The following DNAAF2 variants were observed in gnomAD, a reference collection of about 807,000 sequenced individuals.
The protein encoded by DNAAF2 is dynein axonemal assembly factor 2.
Under a neutral mutation model 48.8 loss-of-function variants are expected in DNAAF2, and 58 were observed. That is an observed-to-expected ratio of 1.19 (90% CI 0.96 to 1.48). The LOEUF is 1.48. Among genes scored for constraint, DNAAF2 ranks in the 40% most tolerant of loss-of-function variants. The pLI, the probability that DNAAF2 is intolerant of heterozygous loss-of-function variation, is 0.00. For missense variants in DNAAF2, 1,241 were observed against 1,116.1 expected (o/e 1.11, Z -1.59); for synonymous variants, 567 against 481.2 (o/e 1.18, Z -2.33).
chr14:49,631,045 G>A (rs1054208023), intron 1 of DNAAF2, among the ~76,000 whole-genome samples: 1 of 152,098 alleles, frequency 6.6e-6, no homozygotes, highest in African/African-American at 2.4e-5. Flanking sequence ...CACCACGCCT[G>A]GCTACGTATT....
In DNAAF2 at chr14:49,634,594, TG is replaced by T; in HGVS notation, c.555del (p.Lys186ArgfsTer3). 6.2e-7 allele frequency: 1 copy of T among 1,606,310 alleles called. No individual in the cohort carries two copies. The highest frequency in any genetic ancestry group is 8.5e-7 in the Non-Finnish European group (1 of 1,179,722). ...QFGVKLDRRN[A>X]KTLKAKYKGT... ...CCCTTATACTTGGCCTTCAGGGTCTTGGCATTCCTGCGGTCCAGCTTCACGC... is the reference window on the plus strand; with the variant it reads ...CCCTTATACTTGGCCTTCAGGGTCTTGCATTCCTGCGGTCCAGCTTCACGC... On this transcript the variant is annotated frameshift_variant, in exon 1 of 3. Coordinates refer to ENST00000298292, the MANE Select transcript of DNAAF2 (RefSeq NM_018139.3). LOFTEE classifies it high-confidence loss of function.
In DNAAF2 at chr14:49,633,639, T is replaced by G; in HGVS notation, c.1511A>C (p.Gln504Pro). Residue 504 changes from glutamine to proline, a missense_variant, in exon 1 of 3, where the codon CAG becomes CCG. Coordinates refer to ENST00000298292, the MANE Select transcript of DNAAF2 (RefSeq NM_018139.3). ...ACCACCCATGGCGCAGGCTGAGCGC[T>G]GGCCGCCCGTGCCCTCCGACTCCTC... Reference protein sequence around the residue: ...TREESEGTGGQRSACAMGGPG... With the variant: ...TREESEGTGGPRSACAMGGPG... 1.9e-6 allele frequency: 3 copies of G among 1,612,970 alleles called. No homozygotes were observed. Among genetic ancestry groups the G allele is most frequent in the Non-Finnish European group, 2.5e-6 (3 of 1,179,334 alleles).
At chr14:49,630,719 CACACACACACACAAACTCTCT>C (rs1294028019) in intron 1 of DNAAF2, among the ~76,000 whole-genome samples, 6 of 133,598 alleles carry the variant, frequency 4.5e-5, no homozygotes, top group Non-Finnish European at 8.2e-5. Context: ...TCTACACACA[CACACACACACACAAACTCTCT>C]ACACACACAC....
In DNAAF2 at chr14:49,633,590, A is replaced by G. The variant is rs1883226013; in HGVS notation, c.1560T>C (p.Pro520=). The part of the protein sequence containing the change: ...MGGPGTKSGE[P]LCPPLLCNQD... ...GATTACACAGTAACGGAGGACACAA[A>G]GGCTCCCCGCTCTTGGTCCCGGGAC... is the stretch of plus-strand genomic sequence containing the variant. Residue 520 remains proline, a synonymous_variant, in exon 1 of 3, where the codon CCT becomes CCC. Coordinates refer to ENST00000298292, the MANE Select transcript of DNAAF2 (RefSeq NM_018139.3). 6 of 1,613,768 alleles carry G rather than the reference A, an allele frequency of 3.7e-6. No individual in the cohort carries two copies. The African/African-American group carries it at 5.3e-5, about 14-fold the overall frequency.
chr14:49,632,776 C>T (rs1594606916), intron 1 of DNAAF2, among the ~76,000 whole-genome samples: 2 of 151,936 alleles, frequency 1.3e-5, no homozygotes, highest in African/African-American at 4.8e-5. Flanking sequence ...ATATATAATC[C>T]GTGCAGCTAG....
chr14:49,625,605 A>G lies in DNAAF2; in HGVS notation c.2451T>C (p.Ile817=). Residue 817 remains isoleucine (I), a synonymous_variant, in exon 3 of 3, where the codon ATT becomes ATC. Coordinates refer to ENST00000298292, the MANE Select transcript of DNAAF2 (RefSeq NM_018139.3). The stretch of plus-strand genomic sequence containing the variant: ...ATGCACAATTGGTCACATGATCTTT[A>G]ATGACCTGCACACTACCATCCTGCA... ...TNMQDGSVQV[I]KDHVTNCAFS... The G allele has an allele frequency of 6.2e-7, 1 of 1,611,806 alleles. No homozygotes were observed. The highest frequency in any genetic ancestry group is 8.5e-7 in the Non-Finnish European group (1 of 1,179,216).
intron 1 of DNAAF2, among the ~76,000 whole-genome samples, chr14:49,630,696 C>CACACAA (rs1555327681): frequency 2.1e-5 from 3 of 144,812 alleles, no homozygotes; most frequent in Admixed American, 1.4e-4. Flanking sequence ...CACACACACA[C>CACACAA]ACACATAAAC....
In DNAAF2 at chr14:49,634,676, C is replaced by T. The variant is rs1883288377; in HGVS notation, c.474G>A (p.Glu158=). The change falls in exon 1 of 3, where the codon GAG becomes GAA. Residue 158 remains glutamate (E), a synonymous_variant. Coordinates refer to ENST00000298292, the MANE Select transcript of DNAAF2 (RefSeq NM_018139.3). ...PDALALARRH[E]GFRQMLDATA... Reference sequence around the variant, plus strand: ...TGGCGTCCAGCATCTGGCGGAAGCCCTCGTGCCGCCGGGCCAGCGCAAGCG... The same window carrying T: ...TGGCGTCCAGCATCTGGCGGAAGCCTTCGTGCCGCCGGGCCAGCGCAAGCG... 1 of 1,606,558 alleles carries T rather than the reference C, an allele frequency of 6.2e-7. No homozygotes were observed. Among genetic ancestry groups the T allele is most frequent in the Non-Finnish European group, 8.5e-7 (1 of 1,179,706 alleles).
chr14:49,626,244 T>G (rs1263618611), intron 2 of DNAAF2, among the ~76,000 whole-genome samples, 196 bp from the exon 3 acceptor site: 4 of 152,096 alleles, frequency 2.6e-5, no homozygotes, highest in Non-Finnish European at 5.9e-5. Flanking sequence ...TCCCAGCACT[T>G]TGGGATGCCA....
At chr14:49,629,073 C>T (rs2139575281) in intron 1 of DNAAF2, among the ~76,000 whole-genome samples, 1 of 152,202 alleles carries the variant, frequency 6.6e-6, no homozygotes, top group East Asian at 1.9e-4. Flanking sequence ...AGTGATCCTC[C>T]CGCCTCAGCC....
chr14:49,633,599 G>T lies in DNAAF2; in HGVS notation c.1551C>A (p.Ser517Arg), dbSNP rs1384978578. The part of the protein sequence containing the change: ...ACAMGGPGTK[S>R]GEPLCPPLLC... ...GTAACGGAGGACACAAAGGCTCCCCGCTCTTGGTCCCGGGACCACCCATGG... is the reference window on the plus strand; with the variant it reads ...GTAACGGAGGACACAAAGGCTCCCCTCTCTTGGTCCCGGGACCACCCATGG... Residue 517 changes from serine to arginine, a missense_variant, in exon 1 of 3, where the codon AGC (serine) becomes AGA (arginine). Transcript: ENST00000298292. The T allele has an allele frequency of 1.9e-6, 3 of 1,613,660 alleles. No individual in the cohort carries two copies. Among genetic ancestry groups the T allele is most frequent in the Non-Finnish European group, 2.5e-6 (3 of 1,179,890 alleles).
At position 49,634,444 on chromosome 14, in the gene DNAAF2, GC is replaced by G; in HGVS notation, c.705del (p.Arg237GlyfsTer48). 1 of 1,559,590 alleles carries G rather than the reference GC, an allele frequency of 6.4e-7. No individual in the cohort carries two copies. On this transcript the variant is annotated frameshift_variant, in exon 1 of 3. Transcript: ENST00000298292. LOFTEE classifies it high-confidence loss of function. ...GCTTCCGGAGGGGAGGGCGCCCGGGGCCCGGGGGCTGCCGGGTACTGGTAAG... is the reference window on the plus strand; with the variant it reads ...GCTTCCGGAGGGGAGGGCGCCCGGGGCCGGGGGCTGCCGGGTACTGGTAAG... The part of the protein sequence containing the change: ...PYPYQYPAAP[G>X]PRAPSPPEAA...
chr14:49,634,087 G>A lies in DNAAF2; in HGVS notation c.1063C>T (p.Arg355Trp). 6 of 1,540,238 alleles carry A rather than the reference G, an allele frequency of 3.9e-6. No homozygotes were observed. The highest frequency in any genetic ancestry group is 5.2e-6 in the Non-Finnish European group (6 of 1,144,100). The change falls in exon 1 of 3, where the codon CGG becomes TGG. Residue 355 changes from arginine (R) to tryptophan (W), a missense_variant. Physicochemically the swap from Arg to Trp is moderately radical, Grantham distance 101. Transcript: ENST00000298292. The part of the protein sequence containing the change: ...TLPVVLPAAR[R>W]EPAVAVAAAA... ...GCGGCGACGGCGACAGCGGGCTCCC[G>A]GCGCGCGGCCGGCAGCACCACTGGC...
At position 49,628,076 on chromosome 14, in the gene DNAAF2, G is replaced by C. The variant is rs1467078322; in HGVS notation, c.1943C>G (p.Ser648Cys). ...AACTTCAATTAATGGTGGGGTCAAG[G>C]ACATAGACTGTTTGAATGGAGAGCT... ...VLSSPFKQSMSLTPPLIEVLQ... is the reference protein window; with the variant it reads ...VLSSPFKQSMCLTPPLIEVLQ... Residue 648 changes from serine (S) to cysteine (C), a missense_variant, in exon 2 of 3, where the codon TCC becomes TGC. Ser to Cys is a moderately radical substitution (Grantham distance 112). Transcript: ENST00000298292. The C allele has an allele frequency of 6.3e-7, 1 of 1,584,812 alleles. No homozygotes were observed. The highest frequency in any genetic ancestry group is 8.6e-7 in the Non-Finnish European group (1 of 1,163,686).
Position 49,634,018 on chromosome 14 carries a change from G to C in DNAAF2, c.1132C>G (p.Gln378Glu), listed in dbSNP as rs1407836719. 2.0e-6 allele frequency: 3 copies of C among 1,523,356 alleles called. No homozygotes were observed. The highest frequency in any genetic ancestry group is 1.2e-5 in the South Asian group (1 of 81,866). 94.4% of individuals were successfully genotyped at this position (1,523,356 alleles called of 1,614,324 possible). ...ESADRSGTDGQACASAREGEA... is the reference protein window; with the variant it reads ...ESADRSGTDGEACASAREGEA... ...CCCTCGCGAGCGGAAGCGCAGGCCT[G>C]GCCGTCAGTTCCGGACCGGTCCGCG... The change falls in exon 1 of 3, where the codon CAG (glutamine) becomes GAG (glutamate). Residue 378 changes from glutamine to glutamate, a missense_variant. Transcript: ENST00000298292.
At chr14:49,628,297 G>A (rs1883063273) in intron 1 of DNAAF2, 142 bp from the exon 2 acceptor site, 2 of 738,090 alleles carry the variant, frequency 2.7e-6, no homozygotes, top group African/African-American at 1.8e-5. Context: ...CCTATGAGCT[G>A]TCTTAGAAAA....
chr14:49,633,244 G>C (rs1026011436), intron 1 of DNAAF2, 43 bp downstream of exon 1: 2 of 1,598,808 alleles, frequency 1.3e-6, no homozygotes, highest in African/African-American at 2.7e-5. Context: ...TTTAAAGTGA[G>C]ATGGGATATT....
Position 49,633,490 on chromosome 14 carries a change from G to A in DNAAF2, c.1660C>T (p.Pro554Ser). 1.9e-6 allele frequency: 3 copies of A among 1,614,054 alleles called. No individual in the cohort carries two copies. The highest frequency in any genetic ancestry group is 8.5e-7 in the Non-Finnish European group (1 of 1,179,892). Residue 554 changes from proline to serine, a missense_variant, in exon 1 of 3, where the codon CCC becomes TCC. Physicochemically the swap from Pro to Ser is moderately conservative, Grantham distance 74. Transcript: ENST00000298292. ...GAGAAGCGTAATTTGTACCAGAGGG[G>A]ATTCAAATCTCCTTGAAGACTTTGC... Reference protein sequence around the residue: ...QPQSLQGDLNPLWYKLRFSAQ... With the variant: ...QPQSLQGDLNSLWYKLRFSAQ...
At position 49,635,083 on chromosome 14, in the gene DNAAF2, G is replaced by T. The variant is rs1883310008; in HGVS notation, c.67C>A (p.Leu23Ile). 3 of 1,584,040 alleles carry T rather than the reference G, an allele frequency of 1.9e-6. No individual in the cohort carries two copies. The highest frequency in any genetic ancestry group is 2.6e-6 in the Non-Finnish European group (3 of 1,166,030). The change falls in exon 1 of 3, where the codon CTC becomes ATC. Residue 23 changes from leucine (L) to isoleucine (I), a missense_variant. Physicochemically the swap from Leu to Ile is conservative, Grantham distance 5 (BLOSUM62 2). Transcript: ENST00000298292. ...TCCGGGTCCTGGAAGGCGGAGGTGA[G>T]CCGCTGGACCTCCTCTCCGCTCAGG... ...LDLSGEEVQR[L>I]TSAFQDPEFR...
Sources: gnomAD v4.1 joint callset for allele counts (sites outside exome capture counted in the v4.1 genomes callset) on GRCh38, gnomAD v4.1.1 for gene constraint, MANE v1.5 for transcripts, NCBI Gene and HGNC (gene_info 2026-07-23, HGNC 2026-07-21) for gene names.